Variants in ATXN7 observed in about 807,000 individuals in gnomAD.
ATXN7 encodes the protein ataxin 7.
A neutral mutation model predicts 70.5 loss-of-function variants in ATXN7; 12 were observed. That is an observed-to-expected ratio of 0.17 (90% CI 0.11 to 0.28). ATXN7 has a LOEUF of 0.28. ATXN7 is among the 10% of genes least tolerant of loss of function. The pLI is 1.00. For synonymous variants in ATXN7, 498 were observed against 448.7 expected (o/e 1.11, Z -1.39); for missense variants, 1,256 against 1,131.7 (o/e 1.11, Z -1.58).
intron 11 of ATXN7, among the ~76,000 whole-genome samples, chr3:63,994,310 C>T (rs908649653): frequency 6.6e-6 from 1 of 152,180 alleles, no homozygotes; most frequent in East Asian, 1.9e-4. Flanking sequence ...TTTCAGCTCA[C>T]TGTGACCTCC....
At chr3:63,999,334 A>C (rs980775144) in intron 12 of ATXN7, 116 bp from the exon 13 acceptor site, 1 of 840,532 alleles carries the variant, frequency 1.2e-6, no homozygotes, top group Non-Finnish European at 2.0e-6. Flanking sequence ...CACTCAGTCA[A>C]TGGAGACTTT....
At chr3:63,881,958 G>A (rs1702925960) in intron 1 of ATXN7, among the ~76,000 whole-genome samples, 1 of 152,196 alleles carries the variant, frequency 6.6e-6, no homozygotes, top group Non-Finnish European at 1.5e-5. Context: ...GAAGCAGGAA[G>A]TCCCAATTTG....
rs571293458 is a variant in ATXN7, at chr3:63,907,822, T to G, written c.-11-4766T>G. On this transcript the variant is annotated intron_variant, in intron 2 of 12. Coordinates refer to ENST00000674280, the MANE Select transcript of ATXN7 (RefSeq NM_001377405.1). ...AGCCGAAAGACTTTAAATCAACATT[T>G]CAAATCAAGTTCGTCATAAAATTAC... Among the ~76,000 whole-genome samples, 14 of 152,238 alleles carry G rather than the reference T, an allele frequency of 9.2e-5. No individual in the cohort carries two copies. The East Asian group carries it at 2.7e-3, about 29-fold the overall frequency.
rs186560191 is a variant in ATXN7 at position 64,000,394 on chromosome 3, T to C, written c.*927T>C. The C allele has an allele frequency of 2.0e-5, 3 of 152,678 alleles. No homozygotes were observed. 9.5% of individuals were successfully genotyped at this position (152,678 alleles called of 1,614,324 possible). A position where few individuals can be genotyped will look rare whatever the true frequency, so the allele number is the denominator to read the frequency against. ...CCTTTTAAGTTTTCATAGTAAACAG[T>C]ATGGCAGATTGGGTTGGTTGTCCTA... On this transcript the variant is annotated 3_prime_UTR_variant, in exon 13 of 13. Transcript: ENST00000674280.
intron 4 of ATXN7, among the ~76,000 whole-genome samples, chr3:63,945,903 A>G (rs1224283528): frequency 2.0e-5 from 3 of 152,228 alleles, no homozygotes; most frequent in African/African-American, 7.2e-5. Flanking sequence ...ACCACACAGG[A>G]TTCTGTGACG....
intron 4 of ATXN7, among the ~76,000 whole-genome samples, chr3:63,935,682 G>T (rs117601651): frequency 6.6e-6 from 1 of 151,860 alleles, no homozygotes. Flanking sequence ...ACTGCCTTTC[G>T]TATGGTTTTG....
In ATXN7 at chr3:63,999,556, T is replaced by A. The variant is rs751461369; in HGVS notation, c.*89T>A. On this transcript the variant is annotated 3_prime_UTR_variant, in exon 13 of 13. Coordinates refer to ENST00000674280, the MANE Select transcript of ATXN7 (RefSeq NM_001377405.1). ...CAGCACTCTGGACTCCACGATGCCT[T>A]TGAGTCTGTTTTCCCAACCTCCTGT... 7 of 1,583,990 alleles carry A rather than the reference T, an allele frequency of 4.4e-6. No individual in the cohort carries two copies. The highest frequency in any genetic ancestry group is 1.3e-5 in the African/African-American group (1 of 74,308).
chr3:63,978,815 A>G (rs1013759846), intron 5 of ATXN7, among the ~76,000 whole-genome samples: 2 of 152,196 alleles, frequency 1.3e-5, no homozygotes, highest in African/African-American at 2.4e-5. Context: ...ATAAGTCACC[A>G]CAGTTTTACC....
intron 5 of ATXN7, among the ~76,000 whole-genome samples, chr3:63,957,453 A>G (rs2075058858): frequency 1.3e-5 from 2 of 152,188 alleles, no homozygotes; most frequent in Admixed American, 1.3e-4. Context: ...TCCACTTAGT[A>G]TTTTTCTTTA....
chr3:63,890,288 A>C (rs1003650591), intron 1 of ATXN7, among the ~76,000 whole-genome samples: 21 of 152,228 alleles, frequency 1.4e-4, no homozygotes, highest in Non-Finnish European at 2.9e-5. Context: ...GAATATAATT[A>C]TATCTATTAA....
rs570758990 is a variant in ATXN7 at position 63,868,076 on chromosome 3, G to A, written c.-111+3918G>A. Among the ~76,000 whole-genome samples the A allele has an allele frequency of 3.3e-5, 5 of 152,262 alleles. No homozygotes were observed. The South Asian group carries it at 8.3e-4, about 25-fold the overall frequency. On this transcript the variant is annotated intron_variant, in intron 1 of 12. Transcript: ENST00000674280. ...TATATCTAAAAATTCAGACCAGATC[G>A]TTTGATGGTAGATAAGCAAAGATTT...
At chr3:63,995,469 G>C in intron 11 of ATXN7, 36 bp from the exon 12 acceptor site, 1 of 1,609,902 alleles carries the variant, frequency 6.2e-7, no homozygotes, top group Non-Finnish European at 8.5e-7. Context: ...GAATGGCTGT[G>C]GTCAGTGTCA....
chr3:63,922,210 T>C (rs369347838), intron 4 of ATXN7, among the ~76,000 whole-genome samples: 2 of 152,026 alleles, frequency 1.3e-5, no homozygotes, highest in East Asian at 1.9e-4. Context: ...CGGCTAATTT[T>C]TGTATTTTGT....
intron 1 of ATXN7, among the ~76,000 whole-genome samples, chr3:63,896,270 C>G (rs1703445716): frequency 7.9e-6 from 1 of 126,038 alleles, no homozygotes; most frequent in African/African-American, 2.5e-5. Context: ...TGCTAACTGG[C>G]CATCATTTAA....
At chr3:63,945,661 G>A (rs1363450889) in intron 4 of ATXN7, among the ~76,000 whole-genome samples, 1 of 152,230 alleles carries the variant, frequency 6.6e-6, no homozygotes, top group Non-Finnish European at 1.5e-5. Flanking sequence ...GCACCATTAG[G>A]CACTGCCACC....
intron 1 of ATXN7, among the ~76,000 whole-genome samples, chr3:63,884,376 CAT>C (rs1310997527): frequency 6.6e-6 from 1 of 151,830 alleles, no homozygotes; most frequent in Non-Finnish European, 1.5e-5. Context: ...AGCTAAAAAA[CAT>C]AGTATTAGAT....
In ATXN7 at chr3:63,952,378, G is replaced by T; in HGVS notation, c.395-1G>T. On this transcript the variant is annotated splice_acceptor_variant, in intron 4 of 12. Transcript: ENST00000674280. LOFTEE classifies it high-confidence loss of function. ...AGTGATGCTCTGTTTCTGTGTTGCAGACATGCCAATATTTGGTTTCTGTCC... is the reference window on the plus strand; with the variant it reads ...AGTGATGCTCTGTTTCTGTGTTGCATACATGCCAATATTTGGTTTCTGTCC... 1 of 1,606,472 alleles carries T rather than the reference G, an allele frequency of 6.2e-7. No individual in the cohort carries two copies.
chr3:63,989,803 A>G (rs762654622), intron 9 of ATXN7, among the ~76,000 whole-genome samples: 13 of 152,176 alleles, frequency 8.5e-5, no homozygotes, highest in Non-Finnish European at 1.0e-4. Flanking sequence ...ACTATGTTTC[A>G]TTTATTGTGT....
chr3:63,938,622 C>G (rs1474805571), intron 4 of ATXN7, among the ~76,000 whole-genome samples: 1 of 152,186 alleles, frequency 6.6e-6, no homozygotes, highest in Non-Finnish European at 1.5e-5. Flanking sequence ...ACCAAAAGAA[C>G]AGTTCACACT....
Sources: gnomAD v4.1 joint callset for allele counts (sites outside exome capture counted in the v4.1 genomes callset) on GRCh38, gnomAD v4.1.1 for gene constraint, MANE v1.5 for transcripts, NCBI Gene and HGNC (gene_info 2026-07-23, HGNC 2026-07-21) for gene names.